The following CFAP91 variants were observed in gnomAD, a reference collection of about 807,000 sequenced individuals.
The protein encoded by CFAP91 is cilia and flagella associated protein 91.
CFAP91 carries 85 observed loss-of-function variants against 95.9 expected under a neutral mutation model. The ratio of observed to expected loss-of-function variants is 0.89; its 90% CI spans 0.74 to 1.06. CFAP91 has a LOEUF of 1.06. CFAP91 is among the 50% of genes least tolerant of loss of function. The probability of loss-of-function intolerance (pLI) is 0.00; values close to 1 mark genes in which losing one functional copy is unlikely to be tolerated. For missense variants in CFAP91, 962 were observed against 943.4 expected (o/e 1.02, Z -0.26); for synonymous variants, 335 against 327.5 (o/e 1.02, Z -0.25).
At chr3:119,748,769 T>G (rs1482385772) in intron 16 of CFAP91, among the ~76,000 whole-genome samples, 1 of 152,230 alleles carries the variant, frequency 6.6e-6, no homozygotes, top group Non-Finnish European at 1.5e-5. Flanking sequence ...GATAAGCATT[T>G]AGTTTGTTTC....
chr3:119,732,569 T>G, intron 9 of CFAP91, 93 bp downstream of exon 9: 2 of 930,116 alleles, frequency 2.2e-6, no homozygotes, highest in Non-Finnish European at 3.2e-6. Flanking sequence ...GATTAAAAGC[T>G]AAGCAATAAA....
chr3:119,726,191 C>A lies in CFAP91; in HGVS notation c.703C>A (p.Gln235Lys). The A allele has an allele frequency of 6.2e-7, 1 of 1,611,592 alleles. No homozygotes were observed. Among genetic ancestry groups the A allele is most frequent in the Non-Finnish European group, 8.5e-7 (1 of 1,179,054 alleles). ...TGCAGGTCGGGGTCTCCCAGCAGGA[C>A]AAGCTGAGGTGGAGATGATAGAAAG... ...LTWGRGLPAGQAEVEMIERAR... is the reference protein window; with the variant it reads ...LTWGRGLPAGKAEVEMIERAR... The change falls in exon 7 of 18, where the codon CAA becomes AAA. Residue 235 changes from glutamine to lysine, a missense_variant. By Grantham distance (53) the Gln-to-Lys change is moderately conservative (BLOSUM62 1). Coordinates refer to ENST00000273390, the MANE Select transcript of CFAP91 (RefSeq NM_033364.4).
intron 6 of CFAP91, among the ~76,000 whole-genome samples, chr3:119,723,663 G>T (rs1369218503): frequency 2.6e-5 from 4 of 152,118 alleles, no homozygotes; most frequent in African/African-American, 9.7e-5. Context: ...TGCTTCTATA[G>T]AATTCATTTT....
chr3:119,706,894 A>G lies in CFAP91; in HGVS notation c.201+9A>G. The G allele has an allele frequency of 1.2e-6, 2 of 1,607,602 alleles. No homozygotes were observed. The stretch of plus-strand genomic sequence containing the variant: ...TGATTCGCAGCAGACTGGTATGTCT[A>G]ATTCATCAGCCAAGGCTACCTGATG... On this transcript the variant is annotated intron_variant, in intron 2 of 17. Coordinates refer to ENST00000273390, the MANE Select transcript of CFAP91 (RefSeq NM_033364.4).
chr3:119,758,005 C>A (rs1258116060), intron 17 of CFAP91, among the ~76,000 whole-genome samples: 1 of 152,078 alleles, frequency 6.6e-6, no homozygotes, highest in African/African-American at 2.4e-5. Context: ...ATTGACACTT[C>A]TATAATTTTT....
At chr3:119,744,595 G>A (rs1174683971) in intron 14 of CFAP91, among the ~76,000 whole-genome samples, 1 of 152,140 alleles carries the variant, frequency 6.6e-6, no homozygotes, top group Non-Finnish European at 1.5e-5. Context: ...ACAGGAAGTC[G>A]AGTATTACAT....
chr3:119,721,636 T>C (rs2053686248), intron 6 of CFAP91, among the ~76,000 whole-genome samples: 1 of 152,156 alleles, frequency 6.6e-6, no homozygotes, highest in Non-Finnish European at 1.5e-5. Context: ...CCTGTACTGC[T>C]TGGGGGAGTT....
chr3:119,712,011 ACACATAGAG>A (rs2053481201), intron 5 of CFAP91, among the ~76,000 whole-genome samples: 1 of 152,174 alleles, frequency 6.6e-6, no homozygotes, highest in Non-Finnish European at 1.5e-5. Context: ...CCTGGATAGA[ACACATAGAG>A]CAGCCCTGGC....
chr3:119,750,900 C>T (rs575972678), intron 16 of CFAP91, 37 bp from the exon 17 acceptor site: 2 of 1,612,106 alleles, frequency 1.2e-6, no homozygotes, highest in African/African-American at 1.3e-5. Flanking sequence ...TTTGTTCAGA[C>T]TTTCAGAATG....
chr3:119,727,381 T>A (rs2053802532), intron 7 of CFAP91, among the ~76,000 whole-genome samples: 1 of 152,216 alleles, frequency 6.6e-6, no homozygotes, highest in Non-Finnish European at 1.5e-5. Context: ...AAATTTAAAT[T>A]TATTATTGTA....
chr3:119,757,520 GC>G (rs1018957184), intron 17 of CFAP91, among the ~76,000 whole-genome samples: 3 of 152,050 alleles, frequency 2.0e-5, no homozygotes, highest in Non-Finnish European at 2.9e-5. Flanking sequence ...GGTGGTGTGT[GC>G]CTGTAGTCCC....
At chr3:119,739,350 C>T in intron 12 of CFAP91, 24 bp downstream of exon 12, 2 of 1,608,876 alleles carry the variant, frequency 1.2e-6, no homozygotes, top group Non-Finnish European at 1.7e-6. Context: ...ACCGCTGGCC[C>T]TGCATTTCTC....
At chr3:119,750,544 A>G (rs1469606627) in intron 16 of CFAP91, 1 of 204,368 alleles carries the variant, frequency 4.9e-6, no homozygotes, top group East Asian at 1.4e-4. Flanking sequence ...TAAGTTACTT[A>G]CACTCTAGAT....
chr3:119,718,342 A>C (rs1215879095), intron 6 of CFAP91, among the ~76,000 whole-genome samples: 2 of 152,230 alleles, frequency 1.3e-5, no homozygotes, highest in African/African-American at 2.4e-5. Context: ...CAATAGTAGA[A>C]TAGACGGAGC....
At chr3:119,710,106 A>G (rs1346794235) in intron 5 of CFAP91, 3 of 528,432 alleles carry the variant, frequency 5.7e-6, no homozygotes, top group Admixed American at 3.6e-5. Context: ...TATGGAGGGT[A>G]AGTTGGTTTT....
At chr3:119,730,161 T>TC in intron 7 of CFAP91, 59 bp from the exon 8 acceptor site, 1 of 1,536,334 alleles carries the variant, frequency 6.5e-7, no homozygotes, top group Non-Finnish European at 8.8e-7. Context: ...TGGCAGCTGT[T>TC]CCCTTGCCCT....
At chr3:119,720,087 C>CA (rs71293248) in intron 6 of CFAP91, among the ~76,000 whole-genome samples, 5,251 of 124,040 alleles carry the variant, frequency 0.042, 99 homozygotes, top group African/African-American at 0.076. Flanking sequence ...ATACATAAAT[C>CA]AAAAAAAAAA....
intron 7 of CFAP91, 58 bp downstream of exon 7, chr3:119,726,406 T>C: frequency 6.9e-7 from 1 of 1,440,050 alleles, no homozygotes; most frequent in Non-Finnish European, 9.4e-7. Flanking sequence ...ATGTTAATAC[T>C]TTATATCTGC....
In CFAP91 at chr3:119,704,949, T is replaced by C. The variant is rs1269847239; in HGVS notation, c.124+1727T>C. Among the ~76,000 whole-genome samples, 3 of 152,350 alleles carry C rather than the reference T, an allele frequency of 2.0e-5. No individual in the cohort carries two copies. The South Asian group carries it at 6.2e-4, about 32-fold the overall frequency. ...GTAGCCTAGGAGCAATAGGCTATAC[T>C]ATATAGCCTAGGTGTGGAGTAGGCT... On this transcript the variant is annotated intron_variant, in intron 1 of 17. Coordinates refer to ENST00000273390, the MANE Select transcript of CFAP91 (RefSeq NM_033364.4).
Sources: allele counts gnomAD v4.1 joint callset (sites outside exome capture counted in the v4.1 genomes callset), GRCh38; gene constraint gnomAD v4.1.1; transcripts MANE v1.5; gene names NCBI Gene and HGNC (gene_info 2026-07-23, HGNC 2026-07-21).